The following FGFR2 variants were observed in gnomAD, a reference collection of about 807,000 sequenced individuals.
FGFR2 encodes the protein fibroblast growth factor receptor 2, also known as BEK fibroblast growth factor receptor.
Under a neutral mutation model 95.9 loss-of-function variants are expected in FGFR2, and 19 were observed. The observed-to-expected ratio is 0.20, with a 90% CI of 0.14 to 0.29. FGFR2 has a LOEUF of 0.29. Among genes scored for constraint, FGFR2 ranks in the 10% least tolerant of loss-of-function variants. The pLI is 1.00. For synonymous variants in FGFR2, 392 were observed against 393.3 expected, an observed-to-expected ratio of 1.00 and a Z score of 0.04; for missense variants, 707 against 1,056.9, an observed-to-expected ratio of 0.67 and a Z score of 4.59.
intron 6 of FGFR2, among the ~76,000 whole-genome samples, chr10:121,522,569 A>C (rs988073592): frequency 2.0e-5 from 3 of 152,192 alleles, no homozygotes; most frequent in Admixed American, 6.5e-5. Flanking sequence ...AAAGAAAAAA[A>C]ACTTAGGTGA....
rs142425256 is a variant in FGFR2, at chr10:121,580,887, G to A, written c.109+12822C>T. 1.2e-3 allele frequency among the ~76,000 whole-genome samples: 179 copies of A among 150,496 alleles called. 1 individual carries two copies. The highest frequency in any genetic ancestry group is 2.7e-3 in the African/African-American group (110 of 41,226). On this transcript the variant is annotated intron_variant, in intron 2 of 17. Transcript: ENST00000358487. ...ACAATCCTCCAAAGCAGCATTCAGA[G>A]GGAAGCTTTAGATCTCAGAAGGGCT...
Position 121,559,176 on chromosome 10 carries a change from G to A in FGFR2, c.454+5326C>T, listed in dbSNP as rs1856608884. Among the ~76,000 whole-genome samples the A allele has an allele frequency of 1.3e-5, 2 of 149,722 alleles. 1 individual carries two copies. The highest frequency in any genetic ancestry group is 4.2e-4 in the South Asian group (2 of 4,742). ...ACGTCACCATCAACACAGGGTCACT[G>A]GAGCATCATTTGTCAAAGTTCCTAA... is the stretch of plus-strand genomic sequence containing the variant. On this transcript the variant is annotated intron_variant, in intron 4 of 17. Transcript: ENST00000358487.
chr10:121,588,098 T>C (rs1279954470), intron 2 of FGFR2, among the ~76,000 whole-genome samples: 1 of 152,202 alleles, frequency 6.6e-6, no homozygotes, highest in Non-Finnish European at 1.5e-5. Flanking sequence ...TGCAAGAACA[T>C]GGATGGAGCT....
intron 5 of FGFR2, among the ~76,000 whole-genome samples, chr10:121,542,912 T>A (rs1853975737): frequency 6.6e-6 from 1 of 152,186 alleles, no homozygotes; most frequent in Non-Finnish European, 1.5e-5. Flanking sequence ...GGTGAAAGGT[T>A]AAAGACCCAG....
chr10:121,534,541 G>A (rs914674436), intron 6 of FGFR2, among the ~76,000 whole-genome samples: 3 of 151,600 alleles, frequency 2.0e-5, no homozygotes, highest in South Asian at 2.1e-4. Context: ...GATTGCAGGC[G>A]CCCACCACCA....
chr10:121,501,670 G>A (rs1005871402), intron 10 of FGFR2, among the ~76,000 whole-genome samples: 2 of 152,060 alleles, frequency 1.3e-5, no homozygotes, highest in South Asian at 2.1e-4. Context: ...TTATGAATAC[G>A]GCTCTTTCTA....
At chr10:121,542,760 G>C (rs897034607) in intron 5 of FGFR2, among the ~76,000 whole-genome samples, 4 of 152,112 alleles carry the variant, frequency 2.6e-5, no homozygotes, top group East Asian at 1.9e-4. Context: ...AAAGACACAA[G>C]GTGGCCCAGA....
intron 2 of FGFR2, among the ~76,000 whole-genome samples, chr10:121,569,286 T>C (rs541660824): frequency 6.6e-6 from 1 of 151,454 alleles, no homozygotes; most frequent in East Asian, 1.9e-4. Context: ...AGTGGCACGA[T>C]CTCGGCTCAC....
rs12570712 is a variant in FGFR2, at chr10:121,536,305, C to A, written c.748+2287G>T. 9.0e-4 allele frequency among the ~76,000 whole-genome samples: 137 copies of A among 152,230 alleles called. No homozygotes were observed. In the East Asian group the frequency reaches 0.024, roughly 27 times the overall value. On this transcript the variant is annotated intron_variant, in intron 6 of 17. Coordinates refer to ENST00000358487, the MANE Select transcript of FGFR2 (RefSeq NM_000141.5). ...ACACTTCCATCTTTACTGAAAATGC[C>A]TTTTACTCCACTGACTTTTGGCTTC...
intron 6 of FGFR2, chr10:121,530,459 C>T (rs1851938841): frequency 1.3e-5 from 2 of 152,542 alleles, no homozygotes; most frequent in East Asian, 3.8e-4. Context: ...TCCATCTCTA[C>T]TAAAAATACA....
At chr10:121,483,407 C>T (rs1845012977) in intron 17 of FGFR2, among the ~76,000 whole-genome samples, 1 of 152,194 alleles carries the variant, frequency 6.6e-6, no homozygotes, top group South Asian at 2.1e-4. Context: ...TACTGCTTCC[C>T]CTTTCCCACT....
chr10:121,584,869 CG>C lies in FGFR2; in HGVS notation c.109+8839del, dbSNP rs1861575077. 7.4e-5 allele frequency among the ~76,000 whole-genome samples: 6 copies of C among 80,648 alleles called. 2 individuals are homozygous for C. The highest frequency in any genetic ancestry group is 8.2e-4 in the East Asian group (2 of 2,440). The allele number at this position is 80,648 out of a possible 152,430, so 52.9% of individuals were successfully genotyped here. On this transcript the variant is annotated intron_variant, in intron 2 of 17. Transcript: ENST00000358487. ...TCTCCATCCCGCACCCCACCCCAAC[CG>C]ATCCCATAACCCTCTCCATCCCGCA...
intron 8 of FGFR2, among the ~76,000 whole-genome samples, chr10:121,515,703 G>A (rs1849628011): frequency 6.6e-6 from 1 of 151,804 alleles, no homozygotes; most frequent in East Asian, 1.9e-4. Flanking sequence ...AAATATCAAC[G>A]ATGCCCACTT....
chr10:121,577,439 G>C (rs1860092565), intron 2 of FGFR2, among the ~76,000 whole-genome samples: 1 of 151,946 alleles, frequency 6.6e-6, no homozygotes, highest in African/African-American at 2.4e-5. Flanking sequence ...TCTCAGTGTG[G>C]AAGGTCAGGA....
intron 15 of FGFR2, among the ~76,000 whole-genome samples, chr10:121,486,483 C>T (rs564876122): frequency 6.6e-6 from 1 of 152,166 alleles, no homozygotes. Context: ...CGCTCTGTTG[C>T]CAGGCTGGAG....
intron 5 of FGFR2, among the ~76,000 whole-genome samples, chr10:121,541,462 T>C (rs1853732877): frequency 6.6e-6 from 1 of 152,218 alleles, no homozygotes; most frequent in African/African-American, 2.4e-5. Context: ...GGGGGTTTTT[T>C]TTCATTACTC....
intron 6 of FGFR2, among the ~76,000 whole-genome samples, chr10:121,524,753 C>T (rs572567950): frequency 3.0e-4 from 45 of 152,320 alleles, no homozygotes; most frequent in Non-Finnish European, 4.6e-4. Flanking sequence ...GGGCCCCCTT[C>T]GTGGCCTGGC....
intron 4 of FGFR2, among the ~76,000 whole-genome samples, chr10:121,559,779 T>G (rs1229701225): frequency 6.6e-6 from 1 of 152,196 alleles, no homozygotes; most frequent in African/African-American, 2.4e-5. Context: ...CTCTACCCCC[T>G]GGCCCTTCTG....
intron 16 of FGFR2, 118 bp from the exon 17 acceptor site, chr10:121,483,921 C>A (rs2133774383): frequency 1.3e-6 from 1 of 749,190 alleles, no homozygotes; most frequent in South Asian, 1.5e-5. Context: ...CAGAACCTTC[C>A]AAGCAACTAG....
Sources: gnomAD v4.1 joint callset for allele counts (sites outside exome capture counted in the v4.1 genomes callset) on GRCh38, gnomAD v4.1.1 for gene constraint, MANE v1.5 for transcripts, NCBI Gene and HGNC (gene_info 2026-07-23, HGNC 2026-07-21) for gene names.